Variants in SLC16A10 observed in about 807,000 individuals in gnomAD.
The protein encoded by SLC16A10 is solute carrier family 16 member 10.
A neutral mutation model predicts 40.0 loss-of-function variants in SLC16A10; 27 were observed. The ratio of observed to expected loss-of-function variants is 0.67; its 90% CI spans 0.50 to 0.93. The LOEUF (loss-of-function observed/expected upper bound fraction) is 0.93, where lower values mean the gene tolerates loss of function less well. SLC16A10 is among the 40% of genes least tolerant of loss of function. SLC16A10 has a pLI of 0.00. For synonymous variants in SLC16A10, 213 were observed against 249.8 expected (o/e 0.85, Z 1.39); for missense variants, 529 against 658.2 (o/e 0.80, Z 2.15).
intron 1 of SLC16A10, among the ~76,000 whole-genome samples, chr6:111,108,306 C>T (rs1771320784): frequency 6.6e-6 from 1 of 152,138 alleles, no homozygotes; most frequent in South Asian, 2.1e-4. Context: ...AGGCATGAGC[C>T]ACTGTGCCTG....
At chr6:111,165,764 A>C (rs1182054158) in intron 1 of SLC16A10, among the ~76,000 whole-genome samples, 1 of 152,220 alleles carries the variant, frequency 6.6e-6, no homozygotes, top group African/African-American at 2.4e-5. Context: ...AAAGGAAGCT[A>C]GAAGTTGTTC....
At chr6:111,179,029 C>G (rs999582505) in intron 3 of SLC16A10, among the ~76,000 whole-genome samples, 1 of 150,562 alleles carries the variant, frequency 6.6e-6, no homozygotes, top group Admixed American at 6.6e-5. Flanking sequence ...TCTTTTTTTT[C>G]TTTTTTCCAG....
At chr6:111,155,042 AAAG>A (rs1402121192) in intron 1 of SLC16A10, among the ~76,000 whole-genome samples, 4 of 151,186 alleles carry the variant, frequency 2.6e-5, no homozygotes, top group African/African-American at 9.7e-5. Flanking sequence ...AAAAAAAAAA[AAAG>A]ACAATTCTGA....
At chr6:111,116,218 AT>A (rs1193446274) in intron 1 of SLC16A10, among the ~76,000 whole-genome samples, 10 of 148,556 alleles carry the variant, frequency 6.7e-5, no homozygotes, top group Non-Finnish European at 7.5e-5. Flanking sequence ...TGTTTTTGTT[AT>A]TTTTTTTTTG....
At chr6:111,113,436 GGAA>G (rs1366282164) in intron 1 of SLC16A10, among the ~76,000 whole-genome samples, 1 of 152,172 alleles carries the variant, frequency 6.6e-6, no homozygotes, top group Non-Finnish European at 1.5e-5. Context: ...CATGGAAAGG[GGAA>G]GAAGAAGCTA....
chr6:111,094,982 C>T (rs1192314876), intron 1 of SLC16A10, among the ~76,000 whole-genome samples: 1 of 152,206 alleles, frequency 6.6e-6, no homozygotes, highest in Middle Eastern at 3.2e-3. Context: ...AACCCCTTAA[C>T]AGGATTGCTT....
At chr6:111,120,438 G>A (rs1190139853) in intron 1 of SLC16A10, among the ~76,000 whole-genome samples, 2 of 152,190 alleles carry the variant, frequency 1.3e-5, no homozygotes, top group South Asian at 2.1e-4. Context: ...AAAGTGAAAT[G>A]CCAAAATGCC....
intron 1 of SLC16A10, among the ~76,000 whole-genome samples, chr6:111,129,173 C>G (rs1583317678): frequency 1.3e-5 from 2 of 152,090 alleles, no homozygotes; most frequent in East Asian, 3.8e-4. Flanking sequence ...ACCAGGCAGC[C>G]CATGTCAGTT....
chr6:111,129,704 T>C (rs1771746689), intron 1 of SLC16A10, among the ~76,000 whole-genome samples: 1 of 152,220 alleles, frequency 6.6e-6, no homozygotes, highest in South Asian at 2.1e-4. Context: ...TCAGAATCTT[T>C]ACTGACAGCT....
intron 4 of SLC16A10, among the ~76,000 whole-genome samples, chr6:111,207,667 T>C (rs189967030): frequency 9.2e-5 from 14 of 152,266 alleles, no homozygotes; most frequent in Admixed American, 7.8e-4. Context: ...AGTGAAGGGC[T>C]GAGCAGAGTT....
chr6:111,133,904 A>G (rs1771830254), intron 1 of SLC16A10, among the ~76,000 whole-genome samples: 1 of 152,216 alleles, frequency 6.6e-6, no homozygotes, highest in African/African-American at 2.4e-5. Flanking sequence ...CTTGAAGCAA[A>G]TTAAAATAGA....
At chr6:111,140,382 G>A (rs1175382770) in intron 1 of SLC16A10, among the ~76,000 whole-genome samples, 1 of 151,978 alleles carries the variant, frequency 6.6e-6, no homozygotes, top group African/African-American at 2.4e-5. Flanking sequence ...AGGATGGCTT[G>A]AGCCCAGGAG....
intron 3 of SLC16A10, among the ~76,000 whole-genome samples, chr6:111,179,407 A>C (rs1046016598): frequency 6.6e-6 from 1 of 152,244 alleles, no homozygotes; most frequent in Non-Finnish European, 1.5e-5. Context: ...TCCAAGAATT[A>C]CATGTCAGTA....
At chr6:111,217,518 C>T (rs1048433018) in intron 4 of SLC16A10, among the ~76,000 whole-genome samples, 28 of 152,218 alleles carry the variant, frequency 1.8e-4, no homozygotes, top group African/African-American at 6.0e-4. Flanking sequence ...GGCATGATCT[C>T]GGCTCACTGC....
At chr6:111,198,404 C>G (rs1362494770) in intron 3 of SLC16A10, among the ~76,000 whole-genome samples, 1 of 152,232 alleles carries the variant, frequency 6.6e-6, no homozygotes, top group Admixed American at 6.5e-5. Flanking sequence ...TCGTGCATCT[C>G]TTAACAATGA....
At chr6:111,205,406 C>CA (rs1384958755) in intron 3 of SLC16A10, among the ~76,000 whole-genome samples, 1 of 152,048 alleles carries the variant, frequency 6.6e-6, no homozygotes, top group African/African-American at 2.4e-5. Flanking sequence ...AAAGGTCAAA[C>CA]AAAATATGCT....
In SLC16A10 at chr6:111,226,407, G is replaced by A. The variant is rs1223652122; in HGVS notation, c.*4172G>A. 1 of 152,150 alleles carries A rather than the reference G, an allele frequency of 6.6e-6. No individual in the cohort carries two copies. The highest frequency in any genetic ancestry group is 6.5e-5 in the Admixed American group (1 of 15,272). The allele number at this position is 152,150 out of a possible 1,614,324, so 9.4% of individuals were successfully genotyped here. On this transcript the variant is annotated 3_prime_UTR_variant, in exon 6 of 6. Coordinates refer to ENST00000368851, the MANE Select transcript of SLC16A10 (RefSeq NM_018593.5). ...TGAATGGTGTTAGAGTAAATTCCCA[G>A]AGTTTAGAGATACAAGTAGAAATGC...
Position 111,172,695 on chromosome 6 carries a change from C to A in SLC16A10, c.344C>A (p.Ala115Glu), listed in dbSNP as rs771868234. ...CCCCACGCTTTCCCTTCTTTTACAGCATGGGTAGGTTCTCTCTCCATGGGG... is the reference window on the plus strand; with the variant it reads ...CCCCACGCTTTCCCTTCTTTTACAGAATGGGTAGGTTCTCTCTCCATGGGG... ...KDDDKMVFKTAWVGSLSMGMI... is the reference protein window; with the variant it reads ...KDDDKMVFKTEWVGSLSMGMI... Residue 115 changes from alanine (A) to glutamate (E), a missense_variant and splice_region_variant, in exon 2 of 6, where the codon GCA becomes GAA. Transcript: ENST00000368851. 1.2e-6 allele frequency: 2 copies of A among 1,612,860 alleles called. No individual in the cohort carries two copies. Among genetic ancestry groups the A allele is most frequent in the Non-Finnish European group, 1.7e-6 (2 of 1,179,136 alleles).
At chr6:111,145,046 T>C (rs953887108) in intron 1 of SLC16A10, among the ~76,000 whole-genome samples, 5 of 151,386 alleles carry the variant, frequency 3.3e-5, no homozygotes, top group African/African-American at 1.2e-4. Flanking sequence ...TTGCCCAGGC[T>C]GGTCTTGAAC....
Sources: allele counts gnomAD v4.1 joint callset (sites outside exome capture counted in the v4.1 genomes callset), GRCh38; gene constraint gnomAD v4.1.1; transcripts MANE v1.5; gene names NCBI Gene and HGNC (gene_info 2026-07-23, HGNC 2026-07-21).